Variants in ANK3 observed in about 807,000 individuals in gnomAD.
ANK3 encodes the protein ankyrin 3, also known as ankyrin-3.
A neutral mutation model predicts 370.9 loss-of-function variants in ANK3; 57 were observed. The observed-to-expected ratio is 0.15, with a 90% CI of 0.12 to 0.19. The LOEUF (loss-of-function observed/expected upper bound fraction) is 0.19. Ranked by LOEUF, ANK3 falls within the 10% of genes least tolerant of loss-of-function variation. The pLI is 1.00. For synonymous variants in ANK3, 1,929 were observed against 1,946.3 expected (o/e 0.99, Z 0.23); for missense variants, 4,439 against 5,302.1 (o/e 0.84, Z 5.06).
chr10:60,329,839 G>A (rs2050787909), intron 1 of ANK3, among the ~76,000 whole-genome samples: 3 of 152,126 alleles, frequency 2.0e-5, no homozygotes, highest in Admixed American at 6.5e-5. Context: ...ACAATCCTAA[G>A]CAAAAAGTAC....
intron 28 of ANK3, 143 bp from the exon 29 acceptor site, chr10:60,088,501 C>G: frequency 1.4e-6 from 1 of 721,880 alleles, no homozygotes; most frequent in East Asian, 2.7e-5. Flanking sequence ...TCTTGGCTCA[C>G]CACAACCTCA....
intron 2 of ANK3, among the ~76,000 whole-genome samples, chr10:60,400,871 C>G (rs1333543124): frequency 6.6e-6 from 1 of 152,120 alleles, no homozygotes; most frequent in Non-Finnish European, 1.5e-5. Context: ...CTCCCCACCC[C>G]ACTTCCCAAC....
chr10:60,231,212 A>G (rs1592129598), intron 8 of ANK3, among the ~76,000 whole-genome samples: 1 of 152,230 alleles, frequency 6.6e-6, no homozygotes, highest in East Asian at 1.9e-4. Flanking sequence ...AGCTGGTAAT[A>G]TCTTGCTCTG....
chr10:60,046,217 G>C (rs1416182517), intron 42 of ANK3, among the ~76,000 whole-genome samples: 1 of 152,066 alleles, frequency 6.6e-6, no homozygotes, highest in African/African-American at 2.4e-5. Flanking sequence ...TATGGTTGGT[G>C]GTTTCAAATG....
intron 2 of ANK3, among the ~76,000 whole-genome samples, chr10:60,455,850 C>T (rs2133048162): frequency 6.6e-6 from 1 of 152,268 alleles, no homozygotes; most frequent in Non-Finnish European, 1.5e-5. Context: ...TCAGTCCTTC[C>T]ACTCTAACTT....
intron 21 of ANK3, 148 bp from the exon 22 acceptor site, chr10:60,167,044 TG>T: frequency 1.4e-6 from 1 of 696,652 alleles, no homozygotes; most frequent in South Asian, 1.9e-5. Flanking sequence ...TCAAAATTGT[TG>T]TCCCTTAGTG....
intron 1 of ANK3, among the ~76,000 whole-genome samples, chr10:60,730,069 A>G (rs1323172776): frequency 1.3e-5 from 2 of 152,214 alleles, no homozygotes; most frequent in African/African-American, 4.8e-5. Flanking sequence ...AGATTTTGGA[A>G]ATGTTACCAC....
intron 5 of ANK3, 28 bp downstream of exon 5, chr10:60,270,103 C>T: frequency 1.4e-6 from 2 of 1,461,450 alleles, no homozygotes; most frequent in South Asian, 1.4e-5. Flanking sequence ...TACGTGAACT[C>T]ACCCACAGGA....
chr10:60,551,308 C>A (rs2077083346), intron 2 of ANK3, among the ~76,000 whole-genome samples: 1 of 151,980 alleles, frequency 6.6e-6, no homozygotes, highest in African/African-American at 2.4e-5. Context: ...TAGAAAGGGC[C>A]ATTATTGATG....
At chr10:60,582,730 T>A (rs957047639) in intron 2 of ANK3, among the ~76,000 whole-genome samples, 21 of 151,548 alleles carry the variant, frequency 1.4e-4, no homozygotes, top group Non-Finnish European at 2.9e-4. Flanking sequence ...TTTTCAGATG[T>A]ATAGTTTGCA....
chr10:60,477,726 C>T (rs573605689), intron 2 of ANK3, among the ~76,000 whole-genome samples: 39 of 151,704 alleles, frequency 2.6e-4, no homozygotes, highest in African/African-American at 9.2e-4. Context: ...CAGGAAGTTC[C>T]CACATAAAAA....
chr10:60,258,237 T>C (rs928808728), intron 7 of ANK3, among the ~76,000 whole-genome samples: 23 of 152,202 alleles, frequency 1.5e-4, no homozygotes, highest in African/African-American at 4.8e-4. Flanking sequence ...CAGACTCAGT[T>C]CAAAGAATGA....
chr10:60,500,461 T>G (rs1204762730), intron 2 of ANK3, among the ~76,000 whole-genome samples: 2 of 152,188 alleles, frequency 1.3e-5, no homozygotes, highest in Non-Finnish European at 2.9e-5. Context: ...AGGTACCTTG[T>G]GCACAAAAAG....
At chr10:60,530,453 C>A (rs199620537) in intron 2 of ANK3, among the ~76,000 whole-genome samples, 20 of 145,370 alleles carry the variant, frequency 1.4e-4, no homozygotes, top group East Asian at 2.0e-4. Context: ...TAATCTTCAC[C>A]AAAAAAAAAA....
chr10:60,415,530 T>C (rs1381206959), intron 2 of ANK3, among the ~76,000 whole-genome samples: 1 of 152,036 alleles, frequency 6.6e-6, no homozygotes, highest in Non-Finnish European at 1.5e-5. Context: ...AGCAGGAAAG[T>C]GGGCACAAAA....
At chr10:60,684,767 C>A in intron 1 of ANK3, 1 of 1,563,774 alleles carries the variant, frequency 6.4e-7, no homozygotes, top group South Asian at 1.1e-5. Context: ...CTATGGAAGT[C>A]ATATACCAGA....
chr10:60,495,418 T>G (rs760116035), intron 2 of ANK3, among the ~76,000 whole-genome samples: 2 of 152,174 alleles, frequency 1.3e-5, no homozygotes, highest in Non-Finnish European at 2.9e-5. Flanking sequence ...CCATCAGTGC[T>G]TGGTAGACAC....
At chr10:60,602,143 T>C (rs746354122) in intron 2 of ANK3, among the ~76,000 whole-genome samples, 9 of 152,166 alleles carry the variant, frequency 5.9e-5, no homozygotes, top group Non-Finnish European at 1.2e-4. Context: ...GATTAACTCA[T>C]TTATTTCTCA....
chr10:60,041,950 T>C (rs10994162), intron 43 of ANK3, among the ~76,000 whole-genome samples: 105,232 of 151,738 alleles, frequency 0.69, 36,558 homozygotes, highest in East Asian at 0.78. Flanking sequence ...AGAAGACTGG[T>C]GGTGAACTAA....
Sources: gnomAD v4.1 joint callset for allele counts (sites outside exome capture counted in the v4.1 genomes callset) on GRCh38, gnomAD v4.1.1 for gene constraint, MANE v1.5 for transcripts, NCBI Gene and HGNC (gene_info 2026-07-23, HGNC 2026-07-21) for gene names.